PGAP2: variants seen among roughly 807,000 people sequenced by gnomAD.
PGAP2 encodes acyltransferase PGAP2.
PGAP2 carries 21 observed loss-of-function variants against 33.2 expected under a neutral mutation model. That is an observed-to-expected ratio of 0.63 (90% confidence interval 0.45 to 0.91). PGAP2 has a LOEUF of 0.91. Ranked by LOEUF, PGAP2 falls within the 40% of genes least tolerant of loss-of-function variation. The pLI, the probability that PGAP2 is intolerant of heterozygous loss-of-function variation, is 0.00. For synonymous variants in PGAP2, 161 were observed against 172.9 expected (o/e 0.93, Z 0.54); for missense variants, 345 against 424.0 (o/e 0.81, Z 1.64).
intron 3 of PGAP2, among the ~76,000 whole-genome samples, chr11:3,823,434 C>T (rs2089355520): frequency 6.6e-6 from 1 of 152,156 alleles, no homozygotes; most frequent in Admixed American, 6.5e-5. Context: ...GACTGAGGAA[C>T]ATCTTAGCTG....
At chr11:3,807,515 C>A (rs1590179592), upstream of PGAP2, among the ~76,000 whole-genome samples, 1 of 151,568 alleles carries the variant, frequency 6.6e-6, no homozygotes, top group African/African-American at 2.4e-5. Flanking sequence ...GCCATGTTGG[C>A]CAGGCTGGTG....
At chr11:3,797,890 C>A (rs1228494175) in exon 1 of PGAP2, 11 of 1,549,144 alleles carry the variant, frequency 7.1e-6, no homozygotes, top group Non-Finnish European at 9.6e-6. Context: ...AGGGTGGTGA[C>A]GCAACATAGA....
rs1357763196 is a variant in PGAP2, at chr11:3,823,845, G to A, written c.349-38G>A. The stretch of plus-strand genomic sequence containing the variant: ...GAAGGTTCTCCACATGGGCGGGGCT[G>A]GCAGAGGCAGATGCCCAGACAGGTC... On this transcript the variant is annotated intron_variant, in intron 3 of 6. Transcript: ENST00000278243. The A allele has an allele frequency of 1.9e-6, 3 of 1,597,182 alleles. No individual in the cohort carries two copies. In the South Asian group the frequency reaches 3.3e-5, roughly 18 times the overall value.
chr11:3,809,281 A>G (rs1321836838), intron 1 of PGAP2, among the ~76,000 whole-genome samples: 5 of 152,200 alleles, frequency 3.3e-5, no homozygotes, highest in Admixed American at 6.5e-5. Flanking sequence ...AGGCTGAACA[A>G]TTGCCCTTCA....
At chr11:3,820,483 A>T (rs1255888498) in intron 3 of PGAP2, among the ~76,000 whole-genome samples, 1 of 152,204 alleles carries the variant, frequency 6.6e-6, no homozygotes, top group East Asian at 1.9e-4. Context: ...AGCCTGGCCA[A>T]CATGGTGAAA....
intron 3 of PGAP2, chr11:3,822,867 C>A: frequency 9.2e-7 from 1 of 1,090,974 alleles, no homozygotes; most frequent in Non-Finnish European, 1.3e-6. Flanking sequence ...AGCAAGACAC[C>A]AGTCCCTGCA....
rs533325437 is a variant in PGAP2 at position 3,819,359 on chromosome 11, A to G, written c.348+1824A>G. ...GAGTAGGGTATAAGGAGGCTGGTGC[A>G]GTAGCTCATGCTCCTGGGGGAACCA... On this transcript the variant is annotated intron_variant, in intron 3 of 6. Transcript: ENST00000278243. 4.6e-5 allele frequency among the ~76,000 whole-genome samples: 7 copies of G among 152,194 alleles called. No homozygotes were observed. In the South Asian group the frequency reaches 1.0e-3, roughly 23 times the overall value.
intron 4 of PGAP2, 42 bp downstream of exon 4, chr11:3,824,177 A>AG: frequency 1.2e-6 from 2 of 1,613,040 alleles, no homozygotes; most frequent in Non-Finnish European, 1.7e-6. Flanking sequence ...GTGTTCCCTG[A>AG]GGGGACGGGC....
intron 3 of PGAP2, chr11:3,823,019 CTTTTCTTTTTT>C: frequency 2.6e-6 from 1 of 385,008 alleles, no homozygotes; most frequent in Admixed American, 5.6e-5. Flanking sequence ...TTTCTTTTTT[CTTTTCTTTTTT>C]TTTTTTTTTT....
upstream of PGAP2, chr11:3,797,793 G>A: frequency 6.5e-7 from 1 of 1,543,068 alleles, no homozygotes; most frequent in Non-Finnish European, 8.7e-7. Context: ...CGCCGCGGTT[G>A]GCGGGAGCGT....
At chr11:3,824,796 T>TG in intron 5 of PGAP2, 1 of 1,432,226 alleles carries the variant, frequency 7.0e-7, no homozygotes, top group African/African-American at 1.4e-5. Flanking sequence ...CCCCCTGAAG[T>TG]GGAAGCGGCA....
chr11:3,815,058 C>T (rs569270153), intron 2 of PGAP2, among the ~76,000 whole-genome samples: 2 of 151,668 alleles, frequency 1.3e-5, no homozygotes, highest in Non-Finnish European at 2.9e-5. Context: ...ATGCCTCAGC[C>T]TCCCGAGTAG....
intron 1 of PGAP2, among the ~76,000 whole-genome samples, chr11:3,810,839 C>T (rs563406092): frequency 1.3e-5 from 2 of 152,194 alleles, no homozygotes; most frequent in East Asian, 1.9e-4. Flanking sequence ...GAGGCTGGGC[C>T]GAGGCTCAAA....
intron 2 of PGAP2, chr11:3,816,377 G>C (rs1026268407): frequency 8.5e-5 from 13 of 152,548 alleles, no homozygotes; most frequent in African/African-American, 1.2e-4. Flanking sequence ...GTCTGCCTCA[G>C]CTTGATCCAG....
chr11:3,824,678 C>A, intron 5 of PGAP2: 1 of 775,582 alleles, frequency 1.3e-6, no homozygotes, highest in Non-Finnish European at 2.0e-6. Flanking sequence ...TGTCAGAGGA[C>A]TGGTCTGTCA....
chr11:3,800,883 A>G (rs61896929), intron 1 of PGAP2, among the ~76,000 whole-genome samples: 14,426 of 151,830 alleles, frequency 0.095, 941 homozygotes, highest in Middle Eastern at 0.16. Context: ...CTATAATCCC[A>G]GCACTTTTGG....
chr11:3,807,064 G>C (rs548234423), upstream of PGAP2, among the ~76,000 whole-genome samples: 3 of 150,852 alleles, frequency 2.0e-5, no homozygotes, highest in Non-Finnish European at 4.4e-5. Flanking sequence ...GGCCAGGCGC[G>C]GTGGCTTACA....
At chr11:3,810,705 A>G (rs1006037916) in intron 1 of PGAP2, among the ~76,000 whole-genome samples, 2 of 152,202 alleles carry the variant, frequency 1.3e-5, no homozygotes, top group Non-Finnish European at 2.9e-5. Flanking sequence ...GTCAGCTTCC[A>G]TGGAATCCCT....
chr11:3,807,030 A>G (rs1207365864), upstream of PGAP2, among the ~76,000 whole-genome samples: 1 of 147,568 alleles, frequency 6.8e-6, no homozygotes, highest in Admixed American at 6.8e-5. Context: ...CCAAAAAAAA[A>G]GAGAGAAAGA....
Sources: allele counts gnomAD v4.1 joint callset (sites outside exome capture counted in the v4.1 genomes callset), GRCh38; gene constraint gnomAD v4.1.1; transcripts MANE v1.5; gene names NCBI Gene and HGNC (gene_info 2026-07-23, HGNC 2026-07-21).